BCOR: variants seen among roughly 807,000 people sequenced by gnomAD.
The protein encoded by BCOR is BCL-6 corepressor.
BCOR carries 10 observed loss-of-function variants against 86.7 expected under a neutral mutation model. The observed-to-expected ratio is 0.12, with a 90% confidence interval of 0.07 to 0.20. The LOEUF (loss-of-function observed/expected upper bound fraction) is 0.20. Among genes scored for constraint, BCOR ranks in the 10% least tolerant of loss-of-function variants. The pLI, the probability that BCOR is intolerant of heterozygous loss-of-function variation, is 1.00. For synonymous variants in BCOR, 611 were observed against 609.0 expected (o/e 1.00, Z -0.05); for missense variants, 1,259 against 1,452.1 (o/e 0.87, Z 2.16).
rs769982436 is a variant in BCOR, at chrX:40,053,971, C to T, written c.4891G>A (p.Asp1631Asn). Residue 1631 changes from aspartate (D) to asparagine (N), a missense_variant, in exon 14 of 15, where the codon GAT becomes AAT. By Grantham distance (23) the Asp-to-Asn change is conservative. Around this residue, in one of 7 missense-constraint regions of BCOR, gnomAD observed 137 missense variants for 149.8 expected, o/e 0.91. Coordinates refer to ENST00000378444, the MANE Select transcript of BCOR (RefSeq NM_001123385.2). ...AATTCAAACACATCGCTATAGGCATCGTCATCATCATCCTGGTCTTCTGGT... is the reference window on the plus strand; with the variant it reads ...AATTCAAACACATCGCTATAGGCATTGTCATCATCATCCTGGTCTTCTGGT... ...PGPEDQDDDD[D>N]AYSDVFEFEF... is the part of the protein sequence containing the mutation. The T allele has an allele frequency of 1.7e-4, 207 of 1,209,198 alleles. No homozygotes were observed. The highest frequency in any genetic ancestry group is 2.1e-4 in the Non-Finnish European group (191 of 894,696).
chrX:40,070,839 C>G, intron 6 of BCOR, 134 bp downstream of exon 6: 1 of 605,953 alleles, frequency 1.7e-6, no homozygotes, highest in Non-Finnish European at 2.8e-6. Context: ...TTCACAGACG[C>G]CTCGTTCCTG....
intron 1 of BCOR, among the ~76,000 whole-genome samples, chrX:40,126,038 C>T (rs1298654038): frequency 9.2e-6 from 1 of 108,384 alleles, no homozygotes; most frequent in African/African-American, 3.4e-5. Context: ...GGTGAAACCC[C>T]GTCTCTACTA....
At chrX:40,139,734 C>A (rs984466735) in intron 1 of BCOR, among the ~76,000 whole-genome samples, 1 of 101,770 alleles carries the variant, frequency 9.8e-6, no homozygotes, top group African/African-American at 3.5e-5. Context: ...TCGCTTGAAC[C>A]AGGTAGGCAG....
intron 1 of BCOR, among the ~76,000 whole-genome samples, chrX:40,163,615 C>G (rs1298156250): frequency 1.1e-5 from 1 of 87,020 alleles, no homozygotes; most frequent in African/African-American, 4.2e-5. Context: ...GCCACAAGTT[C>G]TTTGACACTC....
chrX:40,059,038 G>A lies in BCOR; in HGVS notation c.4429-1717C>T, dbSNP rs140365782. ...CGGCCTGGTGTCCTATCAACCCAGG[G>A]TTTATTTGCTCTGACAATTATGGCC... On this transcript the variant is annotated intron_variant, in intron 10 of 14. Coordinates refer to ENST00000378444, the MANE Select transcript of BCOR (RefSeq NM_001123385.2). Among the ~76,000 whole-genome samples the A allele has an allele frequency of 7.7e-3, 865 of 112,017 alleles. 5 individuals carry two copies. Among genetic ancestry groups the A allele is most frequent in the African/African-American group, 0.026 (803 of 30,805 alleles).
At chrX:40,078,284 T>G (rs1259212946) in intron 1 of BCOR, among the ~76,000 whole-genome samples, 1 of 112,435 alleles carries the variant, frequency 8.9e-6, no homozygotes, top group Non-Finnish European at 1.9e-5. Context: ...CCTCTGAAAG[T>G]GTACAGTGGT....
In BCOR at chrX:40,162,564, T is replaced by A. The variant is rs150960246; in HGVS notation, c.-41+14443A>T. Among the ~76,000 whole-genome samples the A allele has an allele frequency of 8.1e-3, 904 of 111,460 alleles. 7 individuals carry two copies. Among genetic ancestry groups the A allele is most frequent in the African/African-American group, 0.028 (864 of 30,625 alleles). ...ATTACACTAATTCGGGGCTCCAATCTGCACTGAGGTCTAAAATCTGAACGT... is the reference window on the plus strand; with the variant it reads ...ATTACACTAATTCGGGGCTCCAATCAGCACTGAGGTCTAAAATCTGAACGT... On this transcript the variant is annotated intron_variant, in intron 1 of 14. Coordinates refer to the BCOR transcript ENST00000342274.
chrX:40,066,087 C>G (rs1935187000), intron 6 of BCOR, among the ~76,000 whole-genome samples: 1 of 110,868 alleles, frequency 9.0e-6, no homozygotes, highest in Non-Finnish European at 1.9e-5. Context: ...TAGAATCTCC[C>G]CAACCGTTCC....
chrX:40,063,429 A>T (rs888438455), intron 8 of BCOR, among the ~76,000 whole-genome samples, 179 bp downstream of exon 8: 1 of 111,686 alleles, frequency 9.0e-6, no homozygotes, highest in Non-Finnish European at 1.9e-5. Flanking sequence ...AGGTGTTCAG[A>T]CTTCCTTCCT....
At chrX:40,101,317 A>C (rs1349929513), upstream of BCOR, among the ~76,000 whole-genome samples, 2 of 111,610 alleles carry the variant, frequency 1.8e-5, no homozygotes, top group African/African-American at 6.5e-5. Context: ...TCAGGCTGCT[A>C]TACCCAGCAC....
chrX:40,056,679 T>G (rs1025679538), intron 11 of BCOR, among the ~76,000 whole-genome samples: 2 of 112,133 alleles, frequency 1.8e-5, no homozygotes, highest in Admixed American at 1.9e-4. Flanking sequence ...TCAGGCTGAC[T>G]CAGACCTGGG....
At chrX:40,052,574 TTTTTTTTG>T (rs1440135132) in intron 14 of BCOR, among the ~76,000 whole-genome samples, 174 bp from the exon 15 acceptor site, 5 of 64,475 alleles carry the variant, frequency 7.8e-5, no homozygotes, top group Non-Finnish European at 2.8e-5. Context: ...TTTTTTTTTT[TTTTTTTTG>T]GAGACGGAAT....
intron 1 of BCOR, among the ~76,000 whole-genome samples, chrX:40,136,469 T>C (rs1398147348): frequency 8.9e-6 from 1 of 112,227 alleles, no homozygotes; most frequent in African/African-American, 3.2e-5. Context: ...CTGCTGTAGA[T>C]AGAAATAACT....
chrX:40,102,053 C>A (rs1160969384), upstream of BCOR, among the ~76,000 whole-genome samples: 1 of 112,211 alleles, frequency 8.9e-6, no homozygotes, highest in Non-Finnish European at 1.9e-5. Context: ...GAAACTCAAA[C>A]GAGGTAACAA....
At position 40,071,935 on chromosome X, in the gene BCOR, A is replaced by C; in HGVS notation, c.2998-245T>G. ...TTTTTTCCTTTCTTTTTGGTGAAAA[A>C]TTTGCATGAATCCCACAGACATGCG... On this transcript the variant is annotated intron_variant, in intron 4 of 14. Coordinates refer to ENST00000378444, the MANE Select transcript of BCOR (RefSeq NM_001123385.2). The C allele has an allele frequency of 2.0e-5, 8 of 391,118 alleles. No individual in the cohort carries two copies. The South Asian group carries it at 3.6e-4, about 18-fold the overall frequency. 32.2% of individuals were successfully genotyped at this position (391,118 alleles called of 1,213,427 possible).
At chrX:40,053,381 G>T (rs749706623) in intron 14 of BCOR, among the ~76,000 whole-genome samples, 2 of 112,001 alleles carry the variant, frequency 1.8e-5, no homozygotes, top group African/African-American at 6.5e-5. Context: ...GGTCACTGGC[G>T]AATAGGGGCT....
rs1242802198 is a variant in BCOR, at chrX:40,063,755, T to C, written c.3700A>G (p.Arg1234Gly). The change falls in exon 8 of 15, where the codon AGG (arginine) becomes GGG (glycine). Residue 1234 changes from arginine (R) to glycine (G), a missense_variant. Physicochemically the swap from Arg to Gly is moderately radical, Grantham distance 125 (BLOSUM62 -2). Transcript: ENST00000378444. The part of the protein sequence containing the change: ...AADGKPGRQS[R>G]KEVTQATQPE... ...TGAGTGGCCTGGGTCACTTCCTTCC[T>C]GCTTTGCCGGCCAGGTTTGCCATCT... 5 of 1,210,480 alleles carry C rather than the reference T, an allele frequency of 4.1e-6. No individual in the cohort carries two copies. Among genetic ancestry groups the C allele is most frequent in the Non-Finnish European group, 5.6e-6 (5 of 895,335 alleles).
intron 1 of BCOR, among the ~76,000 whole-genome samples, chrX:40,130,595 G>GT (rs1431035692): frequency 8.9e-5 from 10 of 111,761 alleles, no homozygotes; most frequent in Non-Finnish European, 1.9e-4. Flanking sequence ...GTGAGGCTTG[G>GT]TGGTAATGAG....
chrX:40,123,824 C>T (rs1029379361), intron 1 of BCOR, among the ~76,000 whole-genome samples: 19 of 102,760 alleles, frequency 1.8e-4, no homozygotes, highest in African/African-American at 4.7e-4. Context: ...TGTGTGTGCA[C>T]GCGCGCACGC....
Sources: gnomAD v4.1 joint callset for allele counts (sites outside exome capture counted in the v4.1 genomes callset) on GRCh38, gnomAD v4.1.1 for gene constraint, gnomAD v4.1.1 regional missense constraint, MANE v1.5 for transcripts, NCBI Gene and HGNC (gene_info 2026-07-23, HGNC 2026-07-21) for gene names.